The following CCNQ variants were observed in gnomAD, a reference collection of about 807,000 sequenced individuals.
CCNQ encodes the protein cyclin Q.
In CCNQ, 3 loss-of-function variants were observed where a neutral mutation model predicts 17.7. The observed-to-expected ratio is 0.17, with a 90% CI of 0.08 to 0.44. The LOEUF (loss-of-function observed/expected upper bound fraction) is 0.44, where lower values mean the gene tolerates loss of function less well. CCNQ is among the 20% of genes least tolerant of loss of function. The pLI, the probability that CCNQ is intolerant of heterozygous loss-of-function variation, is 0.99. For synonymous variants in CCNQ, 73 were observed against 96.0 expected (o/e 0.76, Z 1.40); for missense variants, 146 against 222.6 (o/e 0.66, Z 2.19).
In CCNQ at chrX:153,588,965, G is replaced by A. The variant is rs138721774; in HGVS notation, c.658-511C>T. On this transcript the variant is annotated intron_variant, in intron 4 of 4. Coordinates refer to ENST00000576892, the MANE Select transcript of CCNQ (RefSeq NM_152274.5). ...CGCAAGACGGCGAAGGACATCCTCGGGGCCCATGGCAGGAGGGTTGCAGCC... is the reference window on the plus strand; with the variant it reads ...CGCAAGACGGCGAAGGACATCCTCGAGGCCCATGGCAGGAGGGTTGCAGCC... Among the ~76,000 whole-genome samples, 78 of 113,229 alleles carry A rather than the reference G, an allele frequency of 6.9e-4. No homozygotes were observed. In the East Asian group the frequency reaches 0.017, roughly 24 times the overall value.
At position 153,592,755 on chromosome X, in the gene CCNQ, C is replaced by T. The variant is rs371082974; in HGVS notation, c.430-22G>A. On this transcript the variant is annotated intron_variant, in intron 3 of 4. Transcript: ENST00000576892. ...GGTACTGCAAAGACACGTGTGTCAG[C>T]CTTTAGGCCCACCAGCTGCTCTCCT... The T allele has an allele frequency of 4.3e-6, 5 of 1,164,935 alleles. No homozygotes were observed. In the African/African-American group the frequency reaches 8.8e-5, roughly 21 times the overall value.
In CCNQ at chrX:153,592,620, C is replaced by G; in HGVS notation, c.543G>C (p.Ala181=). Residue 181 remains alanine (A), a synonymous_variant, in exon 4 of 5, where the codon GCG becomes GCC. Transcript: ENST00000576892. ...WALLRDSYHG[A]LCLRFQAQHI... ...GCTGGGCCTGGAAGCGGAGGCACAG[C>G]GCCCCATGGTAGCTGTCCCGCAGCA... is the stretch of plus-strand genomic sequence containing the variant. 1.7e-6 allele frequency: 2 copies of G among 1,211,102 alleles called. No individual in the cohort carries two copies. Among genetic ancestry groups the G allele is most frequent in the South Asian group, 1.8e-5 (1 of 56,823 alleles).
chrX:153,594,411 G>A (rs1262644331), intron 3 of CCNQ, 136 bp downstream of exon 3: 11 of 857,646 alleles, frequency 1.3e-5, no homozygotes, highest in Non-Finnish European at 1.7e-5. Context: ...AGAGCCAGGA[G>A]ACCCAGTTCC....
intron 4 of CCNQ, among the ~76,000 whole-genome samples, chrX:153,591,848 C>T (rs781971255): frequency 9.2e-6 from 1 of 108,232 alleles, no homozygotes; most frequent in East Asian, 2.9e-4. Flanking sequence ...CAGGCACTCA[C>T]AGCTGACTGG....
At chrX:153,592,969 G>C (rs2091002849) in intron 3 of CCNQ, among the ~76,000 whole-genome samples, 1 of 111,509 alleles carries the variant, frequency 9.0e-6, no homozygotes, top group Admixed American at 9.5e-5. Context: ...GTATGCACCT[G>C]CCCACTCTCA....
rs782504277 is a variant in CCNQ, at chrX:153,592,746, G to A, written c.430-13C>T. The A allele has an allele frequency of 1.3e-5, 15 of 1,191,863 alleles. No individual in the cohort carries two copies. In the East Asian group the frequency reaches 2.4e-4, roughly 19 times the overall value. The stretch of plus-strand genomic sequence containing the variant: ...AGTGGAGCAGGTACTGCAAAGACAC[G>A]TGTGTCAGCCTTTAGGCCCACCAGC... On this transcript the variant is annotated splice_polypyrimidine_tract_variant and intron_variant, in intron 3 of 4. Coordinates refer to ENST00000576892, the MANE Select transcript of CCNQ (RefSeq NM_152274.5).
At position 153,595,964 on chromosome X, in the gene CCNQ, C is replaced by T. The variant is rs782507521; in HGVS notation, c.296+40G>A. On this transcript the variant is annotated intron_variant, in intron 2 of 4. Transcript: ENST00000576892. ...TAGGAGCCTTCCCTGCCCGTCCCCCCCACCGGGTGGAGATCAGGAGCCCAG... is the reference window on the plus strand; with the variant it reads ...TAGGAGCCTTCCCTGCCCGTCCCCCTCACCGGGTGGAGATCAGGAGCCCAG... 3.3e-6 allele frequency: 4 copies of T among 1,205,110 alleles called. No individual in the cohort carries two copies. The East Asian group carries it at 8.9e-5, about 27-fold the overall frequency.
intron 1 of CCNQ, among the ~76,000 whole-genome samples, chrX:153,596,445 G>A (rs1467944693): frequency 2.7e-5 from 3 of 112,149 alleles, no homozygotes; most frequent in African/African-American, 6.5e-5. Flanking sequence ...CTCCACTTCT[G>A]ACAAGCCCCA....
intron 4 of CCNQ, among the ~76,000 whole-genome samples, chrX:153,591,024 A>G (rs1223771560): frequency 1.8e-5 from 2 of 112,096 alleles, no homozygotes; most frequent in Non-Finnish European, 3.8e-5. Flanking sequence ...GAAGCACATC[A>G]AGCTGCCATG....
intron 2 of CCNQ, among the ~76,000 whole-genome samples, chrX:153,594,968 G>A (rs1215532388): frequency 8.9e-6 from 1 of 112,607 alleles, no homozygotes; most frequent in African/African-American, 3.2e-5. Context: ...GGCTGTTGGC[G>A]ATGGCTCCAG....
At chrX:153,595,169 G>A (rs1876960639) in intron 2 of CCNQ, among the ~76,000 whole-genome samples, 1 of 113,425 alleles carries the variant, frequency 8.8e-6, no homozygotes, top group Non-Finnish European at 1.9e-5. Flanking sequence ...TCAGGCTGGA[G>A]TACAGTGGTG....
At chrX:153,591,600 G>GC (rs1256249174) in intron 4 of CCNQ, among the ~76,000 whole-genome samples, 8 of 110,265 alleles carry the variant, frequency 7.3e-5, no homozygotes, top group African/African-American at 9.9e-5. Flanking sequence ...GAGGGTGTTT[G>GC]CCCCCCCCAG....
At chrX:153,590,319 G>T (rs782014491) in intron 4 of CCNQ, among the ~76,000 whole-genome samples, 3 of 104,244 alleles carry the variant, frequency 2.9e-5, no homozygotes, top group Non-Finnish European at 5.9e-5. Context: ...AATATCATAT[G>T]GTCCATGCAG....
chrX:153,596,277 G>C (rs1051892950), intron 1 of CCNQ, 90 bp from the exon 2 acceptor site: 1 of 977,709 alleles, frequency 1.0e-6, no homozygotes, highest in Non-Finnish European at 1.5e-6. Context: ...GCCCTAGCAG[G>C]TACAACCCTA....
intron 2 of CCNQ, among the ~76,000 whole-genome samples, chrX:153,595,356 G>A (rs1381986182): frequency 8.8e-6 from 1 of 113,476 alleles, no homozygotes; most frequent in African/African-American, 3.2e-5. Flanking sequence ...GGGCTCAAGC[G>A]ATCCACCCGC....
chrX:153,594,771 C>T, intron 2 of CCNQ, 92 bp from the exon 3 acceptor site: 2 of 968,530 alleles, frequency 2.1e-6, no homozygotes. Flanking sequence ...TGTCCAGATG[C>T]AAACTACATC....
intron 4 of CCNQ, among the ~76,000 whole-genome samples, chrX:153,589,100 G>A (rs782525050): frequency 1.8e-3 from 200 of 112,856 alleles, no homozygotes; most frequent in South Asian, 9.0e-3. Context: ...ATCCTGCCCC[G>A]TGTGAGCGTC....
intron 1 of CCNQ, 71 bp downstream of exon 1, chrX:153,598,891 T>C: frequency 2.4e-6 from 2 of 821,032 alleles, no homozygotes; most frequent in Non-Finnish European, 3.2e-6. Context: ...AAGGCCGGCC[T>C]GGCCAGCCGG....
chrX:153,592,535 C>T lies in CCNQ; in HGVS notation c.628G>A (p.Glu210Lys), dbSNP rs782742456. ...LQVYGVEVPA[E>K]VEAEKPWWQV... Reference sequence around the variant, plus strand: ...CACCACGGCTTCTCAGCCTCGACCTCGGCGGGCACCTCAACTCCGTAGACC... The same window carrying T: ...CACCACGGCTTCTCAGCCTCGACCTTGGCGGGCACCTCAACTCCGTAGACC... Residue 210 changes from glutamate to lysine, a missense_variant, in exon 4 of 5, where the codon GAG (glutamate) becomes AAG (lysine). By Grantham distance (56) the Glu-to-Lys change is moderately conservative. Transcript: ENST00000576892. 4.1e-6 allele frequency: 5 copies of T among 1,212,198 alleles called. No individual in the cohort carries two copies. Among genetic ancestry groups the T allele is most frequent in the South Asian group, 1.8e-5 (1 of 57,011 alleles).
Sources: gnomAD v4.1 joint callset for allele counts (sites outside exome capture counted in the v4.1 genomes callset) on GRCh38, gnomAD v4.1.1 for gene constraint, MANE v1.5 for transcripts, NCBI Gene and HGNC (gene_info 2026-07-23, HGNC 2026-07-21) for gene names.